Variants in PTPRJ observed in about 807,000 individuals in gnomAD.
PTPRJ encodes protein tyrosine phosphatase receptor type J.
In PTPRJ, 129 loss-of-function variants were observed where a neutral mutation model predicts 141.3. The observed-to-expected ratio is 0.91, with a 90% confidence interval of 0.79 to 1.06. The LOEUF (loss-of-function observed/expected upper bound fraction) is 1.06, where lower values mean the gene tolerates loss of function less well. PTPRJ is among the 50% of genes least tolerant of loss of function. PTPRJ has a pLI of 0.00. For missense variants in PTPRJ, 1,601 were observed against 1,679.7 expected (o/e 0.95, Z 0.82); for synonymous variants, 610 against 640.5 (o/e 0.95, Z 0.72).
chr11:47,989,411 C>T (rs1028768554), intron 1 of PTPRJ, among the ~76,000 whole-genome samples: 2 of 151,612 alleles, frequency 1.3e-5, no homozygotes, highest in African/African-American at 2.4e-5. Context: ...GGATTACAGG[C>T]GTGTGCCACC....
chr11:48,071,114 A>T (rs193283865), intron 1 of PTPRJ, among the ~76,000 whole-genome samples: 1 of 152,218 alleles, frequency 6.6e-6, no homozygotes, highest in South Asian at 2.1e-4. Context: ...CTAGAACTAC[A>T]GATGAGTGAA....
chr11:48,149,727 A>T (rs1857435739), intron 16 of PTPRJ: 3 of 538,226 alleles, frequency 5.6e-6, no homozygotes, highest in Admixed American at 7.8e-5. Flanking sequence ...TTTCTTGATT[A>T]AAAAAACGTC....
chr11:48,101,582 G>A lies in PTPRJ; in HGVS notation c.97-8476G>A, dbSNP rs181646299. Among the ~76,000 whole-genome samples the A allele has an allele frequency of 6.6e-5, 10 of 152,358 alleles. No homozygotes were observed. The East Asian group carries it at 7.7e-4, about 12-fold the overall frequency. ...CAGTTTGTGAACCTGGAACTTGGAA[G>A]CTGGTTTCCTCCTCTGGGAGGGATG... On this transcript the variant is annotated intron_variant, in intron 1 of 24. Coordinates refer to ENST00000418331, the MANE Select transcript of PTPRJ (RefSeq NM_002843.4).
intron 1 of PTPRJ, among the ~76,000 whole-genome samples, chr11:47,992,567 C>CG (rs1555024202): frequency 3.3e-5 from 5 of 152,068 alleles, no homozygotes; most frequent in Non-Finnish European, 7.4e-5. Context: ...TAGGTTGAAC[C>CG]ATATAAAGTT....
chr11:48,110,762 C>T (rs1355699382), intron 2 of PTPRJ, among the ~76,000 whole-genome samples: 3 of 152,184 alleles, frequency 2.0e-5, no homozygotes, highest in Admixed American at 6.5e-5. Flanking sequence ...GGAAGATCGT[C>T]ATAACCTTTG....
intron 10 of PTPRJ, 99 bp from the exon 11 acceptor site, chr11:48,139,387 C>CA: frequency 7.6e-7 from 1 of 1,310,538 alleles, no homozygotes; most frequent in Non-Finnish European, 1.1e-6. Flanking sequence ...CCACATCACC[C>CA]ACCCACCTTC....
intron 1 of PTPRJ, among the ~76,000 whole-genome samples, chr11:48,030,953 AG>A (rs1311744587): frequency 6.6e-6 from 1 of 152,144 alleles, no homozygotes; most frequent in African/African-American, 2.4e-5. Context: ...ATTCAGAACA[AG>A]GGTCCTTTTA....
At chr11:48,128,514 T>C (rs768752871) in intron 7 of PTPRJ, among the ~76,000 whole-genome samples, 6 of 152,176 alleles carry the variant, frequency 3.9e-5, no homozygotes, top group Non-Finnish European at 5.9e-5. Flanking sequence ...TAAGATTTTA[T>C]GCAGCAAATA....
chr11:48,147,131 T>C (rs558380359), intron 15 of PTPRJ, among the ~76,000 whole-genome samples, 168 bp downstream of exon 15: 1 of 152,322 alleles, frequency 6.6e-6, no homozygotes, highest in African/African-American at 2.4e-5. Context: ...CGCCCCCAGC[T>C]GGGCGATGTT....
intron 1 of PTPRJ, among the ~76,000 whole-genome samples, chr11:48,038,393 C>G (rs938541250): frequency 1.3e-5 from 2 of 152,124 alleles, no homozygotes; most frequent in Non-Finnish European, 2.9e-5. Flanking sequence ...TTCAGCATCA[C>G]TGGGGAGGAC....
intron 1 of PTPRJ, among the ~76,000 whole-genome samples, chr11:48,031,526 C>T (rs139935792): frequency 6.6e-6 from 1 of 152,282 alleles, no homozygotes; most frequent in Non-Finnish European, 1.5e-5. Context: ...TGGGAAGCAT[C>T]CATGTAAGAT....
At chr11:48,045,539 T>A (rs1340136900) in intron 1 of PTPRJ, among the ~76,000 whole-genome samples, 2 of 152,232 alleles carry the variant, frequency 1.3e-5, no homozygotes, top group African/African-American at 4.8e-5. Context: ...TTTGCAGATA[T>A]CAAGGGCTTG....
rs961963521 is a variant in PTPRJ at position 48,169,660 on chromosome 11, C to T, written c.*2298C>T. ...CCCTGCTCTGCCCACATCACTGCCA[C>T]AGAGAAGTCAGAGGAAGGGACTTGT... On this transcript the variant is annotated 3_prime_UTR_variant, in exon 25 of 25. Coordinates refer to ENST00000418331, the MANE Select transcript of PTPRJ (RefSeq NM_002843.4). 6.6e-6 allele frequency: 1 copy of T among 152,242 alleles called. No individual in the cohort carries two copies. Among genetic ancestry groups the T allele is most frequent in the Non-Finnish European group, 1.5e-5 (1 of 68,080 alleles). The allele number at this position is 152,242 out of a possible 1,614,324, so 9.4% of individuals were successfully genotyped here.
chr11:48,116,090 G>C (rs149188928), intron 3 of PTPRJ, among the ~76,000 whole-genome samples: 5 of 151,870 alleles, frequency 3.3e-5, no homozygotes, highest in African/African-American at 1.2e-4. Context: ...GAAAGTAAAG[G>C]GTTTAAATTC....
intron 1 of PTPRJ, among the ~76,000 whole-genome samples, chr11:48,002,057 T>C (rs1321670144): frequency 6.6e-6 from 1 of 152,132 alleles, no homozygotes; most frequent in Non-Finnish European, 1.5e-5. Flanking sequence ...TGCATGGTGT[T>C]TTGGGCCTTG....
At chr11:48,135,886 G>T (rs961483065) in intron 8 of PTPRJ, among the ~76,000 whole-genome samples, 153 bp from the exon 9 acceptor site, 4 of 152,234 alleles carry the variant, frequency 2.6e-5, no homozygotes, top group Non-Finnish European at 5.9e-5. Flanking sequence ...CACTGAGTGT[G>T]TGCATTTCTC....
intron 1 of PTPRJ, among the ~76,000 whole-genome samples, chr11:48,014,115 C>T (rs542665380): frequency 3.3e-5 from 5 of 152,216 alleles, no homozygotes; most frequent in African/African-American, 4.8e-5. Flanking sequence ...GGATGCTCTT[C>T]GTTCCTTTGC....
At chr11:48,028,713 C>T (rs904909942) in intron 1 of PTPRJ, among the ~76,000 whole-genome samples, 17 of 152,196 alleles carry the variant, frequency 1.1e-4, no homozygotes, top group Non-Finnish European at 2.4e-4. Flanking sequence ...ATTGCTTGAA[C>T]CCAGGAGGCA....
chr11:48,149,536 C>T (rs550572786), intron 16 of PTPRJ, 48 bp downstream of exon 16: 22 of 1,184,056 alleles, frequency 1.9e-5, no homozygotes, highest in African/African-American at 4.8e-5. Context: ...CCAATCTGTT[C>T]GGTGACTATC....
Sources: gnomAD v4.1 joint callset for allele counts (sites outside exome capture counted in the v4.1 genomes callset) on GRCh38, gnomAD v4.1.1 for gene constraint, MANE v1.5 for transcripts, NCBI Gene and HGNC (gene_info 2026-07-23, HGNC 2026-07-21) for gene names.